The following NUP210 variants were observed in gnomAD, a reference collection of about 807,000 sequenced individuals.
NUP210 encodes nucleoporin 210.
A neutral mutation model predicts 196.0 loss-of-function variants in NUP210; 151 were observed. The ratio of observed to expected loss-of-function variants is 0.77; its 90% confidence interval spans 0.67 to 0.88. NUP210 has a LOEUF of 0.88. Among genes scored for constraint, NUP210 ranks in the 40% least tolerant of loss-of-function variants. The pLI is 0.00. For synonymous variants in NUP210, 1,070 were observed against 1,052.7 expected, an observed-to-expected ratio of 1.02 and a Z score of -0.32; for missense variants, 2,314 against 2,493.7, an observed-to-expected ratio of 0.93 and a Z score of 1.53.
intron 2 of NUP210, 69 bp downstream of exon 2, chr3:13,399,656 C>T: frequency 3.1e-6 from 5 of 1,608,180 alleles, no homozygotes; most frequent in Admixed American, 1.7e-5. Flanking sequence ...CTCTAGGACC[C>T]TGGGTCTTAG....
chr3:13,327,264 A>T lies in NUP210; in HGVS notation c.4460T>A (p.Val1487Glu). Residue 1487 changes from valine (V) to glutamate (E), a missense_variant, in exon 32 of 40, where the codon GTG becomes GAG. Physicochemically the swap from Val to Glu is moderately radical, Grantham distance 121. Coordinates refer to ENST00000254508, the MANE Select transcript of NUP210 (RefSeq NM_024923.4). ...GGCCAGACAGAGCACGTCCCCCACC[A>T]CCATGGCCCCAGACAGCTCTGGGGA... ...AISPELSGAM[V>E]VGDVLCLATV... The T allele has an allele frequency of 6.2e-7, 1 of 1,613,274 alleles. No homozygotes were observed. Among genetic ancestry groups the T allele is most frequent in the South Asian group, 1.1e-5 (1 of 91,078 alleles).
Position 13,379,359 on chromosome 3 carries a change from C to G in NUP210, c.976+204G>C, listed in dbSNP as rs1244457303. On this transcript the variant is annotated intron_variant, in intron 7 of 39. Transcript: ENST00000254508. This position sits in a 1 kb window ranked among gnomAD's most constrained non-coding sequence, Gnocchi z 4.2. ...GACACTCAGCTCCTGCCATCACCTCCCACCGCTGGGAGCCTCTGGGGTGAG... is the reference window on the plus strand; with the variant it reads ...GACACTCAGCTCCTGCCATCACCTCGCACCGCTGGGAGCCTCTGGGGTGAG... 6.6e-6 allele frequency among the ~76,000 whole-genome samples: 1 copy of G among 152,120 alleles called. No individual in the cohort carries two copies. Among genetic ancestry groups the G allele is most frequent in the Non-Finnish European group, 1.5e-5 (1 of 68,018 alleles).
At position 13,378,900 on chromosome 3, in the gene NUP210, G is replaced by A; in HGVS notation, c.1045+12C>T. Reference sequence around the variant, plus strand: ...AGCAGCATCCATGAGGGCCCAGGAGGCCCACACTCACCTAGGTATCCAGGT... The same window carrying A: ...AGCAGCATCCATGAGGGCCCAGGAGACCCACACTCACCTAGGTATCCAGGT... On this transcript the variant is annotated intron_variant, in intron 8 of 39. Transcript: ENST00000254508. The A allele has an allele frequency of 8.7e-6, 14 of 1,602,792 alleles. No homozygotes were observed. The highest frequency in any genetic ancestry group is 1.2e-5 in the Non-Finnish European group (14 of 1,169,762).
intron 1 of NUP210, among the ~76,000 whole-genome samples, chr3:13,406,063 G>C (rs1038853612): frequency 6.6e-6 from 1 of 152,180 alleles, no homozygotes; most frequent in Non-Finnish European, 1.5e-5. Context: ...CATTTTGAAG[G>C]AAATGTTCAG....
chr3:13,340,542 G>T lies in NUP210; in HGVS notation c.3229-244C>A, dbSNP rs1697433381. Among the ~76,000 whole-genome samples the T allele has an allele frequency of 6.6e-6, 1 of 152,158 alleles. No individual in the cohort carries two copies. Among genetic ancestry groups the T allele is most frequent in the Non-Finnish European group, 1.5e-5 (1 of 68,024 alleles). ...TTGTGACTGTGTTTCACTTTCCCTAGATGTTAAAACCCAAAAGCTGGGCCG... is the reference window on the plus strand; with the variant it reads ...TTGTGACTGTGTTTCACTTTCCCTATATGTTAAAACCCAAAAGCTGGGCCG... On this transcript the variant is annotated intron_variant, in intron 23 of 39. Transcript: ENST00000254508. This position sits in a 1 kb window ranked among gnomAD's most constrained non-coding sequence, Gnocchi z 4.0.
At chr3:13,387,666 G>C (rs1699319902) in intron 5 of NUP210, among the ~76,000 whole-genome samples, 2 of 152,228 alleles carry the variant, frequency 1.3e-5, no homozygotes, top group Admixed American at 6.5e-5. Flanking sequence ...AAATATCTCA[G>C]GGTTGCAGCT....
Position 13,319,327 on chromosome 3 carries a change from T to C in NUP210, c.5384-2A>G. 3 of 1,605,708 alleles carry C rather than the reference T, an allele frequency of 1.9e-6. No homozygotes were observed. In the East Asian group the frequency reaches 6.7e-5, roughly 36 times the overall value. Reference sequence around the variant, plus strand: ...AGTGCTGGAAGAGGCTGGCTCCATCTGCCATCAATGGGAAGATGAGTTACC... The same window carrying C: ...AGTGCTGGAAGAGGCTGGCTCCATCCGCCATCAATGGGAAGATGAGTTACC... On this transcript the variant is annotated splice_acceptor_variant, in intron 37 of 39. Coordinates refer to ENST00000254508, the MANE Select transcript of NUP210 (RefSeq NM_024923.4). LOFTEE classifies it high-confidence loss of function.
chr3:13,376,485 T>C, intron 9 of NUP210, 54 bp from the exon 10 acceptor site: 1 of 1,604,808 alleles, frequency 6.2e-7, no homozygotes, highest in East Asian at 2.2e-5. Context: ...CTCCAGAAAG[T>C]CAGAATTTGG....
At chr3:13,358,167 C>G in intron 16 of NUP210, 55 bp downstream of exon 16, 1 of 1,522,972 alleles carries the variant, frequency 6.6e-7, no homozygotes. Flanking sequence ...CACCAATGTC[C>G]TCCTGCCCAA....
At chr3:13,407,769 T>C (rs1337274892) in intron 1 of NUP210, among the ~76,000 whole-genome samples, 1 of 152,138 alleles carries the variant, frequency 6.6e-6, no homozygotes, top group Non-Finnish European at 1.5e-5. Context: ...CTGGTCCTCC[T>C]TGAGGTCTTT....
At chr3:13,387,615 CCA>C (rs2124931210) in intron 5 of NUP210, among the ~76,000 whole-genome samples, 1 of 152,340 alleles carries the variant, frequency 6.6e-6, no homozygotes, top group South Asian at 2.1e-4. Flanking sequence ...AGGCCAAGTA[CCA>C]CAGTGTTCCT....
intron 13 of NUP210, among the ~76,000 whole-genome samples, chr3:13,371,572 T>A (rs1331140413): frequency 6.6e-6 from 1 of 152,206 alleles, no homozygotes; most frequent in Non-Finnish European, 1.5e-5. Flanking sequence ...CACTTTGATG[T>A]GATTCTATGT....
intron 1 of NUP210, among the ~76,000 whole-genome samples, chr3:13,412,132 C>T (rs1361545203): frequency 1.3e-5 from 2 of 152,000 alleles, no homozygotes; most frequent in East Asian, 3.9e-4. Flanking sequence ...TGGATCACTG[C>T]AGCCTTGACC....
chr3:13,390,174 G>C (rs559340550), intron 4 of NUP210, among the ~76,000 whole-genome samples: 2 of 152,160 alleles, frequency 1.3e-5, no homozygotes, highest in East Asian at 3.9e-4. Flanking sequence ...GGCCGTGCAG[G>C]ACAATGCCCC....
At chr3:13,416,536 A>G (rs1490708115) in intron 1 of NUP210, among the ~76,000 whole-genome samples, 1 of 152,238 alleles carries the variant, frequency 6.6e-6, no homozygotes, top group Non-Finnish European at 1.5e-5. Context: ...GCTGCCCAAC[A>G]GAGCACTTTC....
intron 15 of NUP210, 133 bp downstream of exon 15, chr3:13,360,137 T>C: frequency 1.3e-6 from 1 of 768,214 alleles, no homozygotes; most frequent in Non-Finnish European, 2.1e-6. Flanking sequence ...TCAGTTTGCC[T>C]GTCTGTAAAA....
chr3:13,351,050 G>A (rs1204905528), intron 20 of NUP210, among the ~76,000 whole-genome samples: 6 of 152,194 alleles, frequency 3.9e-5, no homozygotes, highest in African/African-American at 7.2e-5. Flanking sequence ...TTCACTAGAA[G>A]CGCACAAGAG....
chr3:13,360,470 C>G lies in NUP210; in HGVS notation c.1954G>C (p.Ala652Pro), dbSNP rs1698334905. 1 of 1,611,504 alleles carries G rather than the reference C, an allele frequency of 6.2e-7. No homozygotes were observed. The highest frequency in any genetic ancestry group is 8.5e-7 in the Non-Finnish European group (1 of 1,178,876). Residue 652 changes from alanine to proline, a missense_variant, in exon 15 of 40, where the codon GCC (alanine) becomes CCC (proline). Coordinates refer to ENST00000254508, the MANE Select transcript of NUP210 (RefSeq NM_024923.4). ...TTTGAGGAGCCCAGGGTTACCAAGG[C>G]AACAGAGGAGGGATCCACAGCCTGG... ...PLKAVDPSSV[A>P]LVTLGSSKEM...
chr3:13,419,951 C>G, intron 1 of NUP210, 109 bp downstream of exon 1: 13 of 657,642 alleles, frequency 2.0e-5, no homozygotes, highest in Non-Finnish European at 2.5e-5. Flanking sequence ...CCAGCGAGAG[C>G]GCGCCGCGCA....
Sources: gnomAD v4.1 joint callset for allele counts (sites outside exome capture counted in the v4.1 genomes callset) on GRCh38, gnomAD v4.1.1 for gene constraint, Gnocchi (gnomAD v3.1) non-coding constraint, MANE v1.5 for transcripts, NCBI Gene and HGNC (gene_info 2026-07-23, HGNC 2026-07-21) for gene names.